Variants in FANCM observed in about 807,000 individuals in gnomAD.
FANCM encodes the protein Fanconi anemia group M protein.
A neutral mutation model predicts 199.5 loss-of-function variants in FANCM; 140 were observed. That is an observed-to-expected ratio of 0.70 (90% CI 0.61 to 0.81). The LOEUF (loss-of-function observed/expected upper bound fraction) is 0.81. Ranked by LOEUF, FANCM falls within the 30% of genes least tolerant of loss-of-function variation. FANCM has a pLI of 0.00. For synonymous variants in FANCM, 840 were observed against 836.8 expected (o/e 1.00, Z -0.07); for missense variants, 2,410 against 2,421.4 (o/e 1.00, Z 0.10).
Position 45,175,691 on chromosome 14 carries a change from T to C in FANCM, c.2937T>C (p.Cys979=), listed in dbSNP as rs1188507113. ...IVRTDDQFYN[C]HSLTKEVLAN... ...GAACAGATGACCAATTTTATAATTG[T>C]CACTCATTGACAAAAGAGGTACTAG... Residue 979 remains cysteine, a synonymous_variant, in exon 14 of 23, where the codon TGT becomes TGC. Coordinates refer to ENST00000267430, the MANE Select transcript of FANCM (RefSeq NM_020937.4). 4 of 1,613,620 alleles carry C rather than the reference T, an allele frequency of 2.5e-6. No homozygotes were observed. Among genetic ancestry groups the C allele is most frequent in the Admixed American group, 1.7e-5 (1 of 59,996 alleles).
chr14:45,153,420 A>G (rs1467035923), intron 5 of FANCM, among the ~76,000 whole-genome samples: 1 of 152,232 alleles, frequency 6.6e-6, no homozygotes, highest in East Asian at 1.9e-4. Context: ...TATACTTGGT[A>G]TTAAAGGTTG....
chr14:45,156,989 G>A (rs902563854), intron 8 of FANCM, among the ~76,000 whole-genome samples: 2 of 150,646 alleles, frequency 1.3e-5, no homozygotes, highest in Non-Finnish European at 3.0e-5. Flanking sequence ...GTACATGTTT[G>A]CAAATGATTA....
chr14:45,184,614 T>C (rs1439297877), intron 17 of FANCM, among the ~76,000 whole-genome samples: 1 of 149,494 alleles, frequency 6.7e-6, no homozygotes, highest in Admixed American at 6.7e-5. Flanking sequence ...TGAGCCAAGA[T>C]TGCGCCACTG....
chr14:45,184,638 G>A (rs1309617878), intron 17 of FANCM, among the ~76,000 whole-genome samples: 14 of 141,426 alleles, frequency 9.9e-5, no homozygotes, highest in Non-Finnish European at 1.4e-4. Flanking sequence ...TCCCGCCTGG[G>A]CAACAAAGTG....
Position 45,198,914 on chromosome 14 carries a change from C to T in FANCM, c.5987C>T (p.Ser1996Phe). Residue 1996 changes from serine to phenylalanine, a missense_variant, in exon 22 of 23, where the codon TCT (serine) becomes TTT (phenylalanine). Ser to Phe is a radical substitution (Grantham distance 155, BLOSUM62 -2). Coordinates refer to ENST00000267430, the MANE Select transcript of FANCM (RefSeq NM_020937.4). ...TALNMCHQFS[S>F]VKRMANSSLQ... ...TTAAATATGTGTCACCAGTTTTCAT[C>T]TGTGAAAAGGATGGCTAACAGGTAT... 1 of 1,608,556 alleles carries T rather than the reference C, an allele frequency of 6.2e-7. No individual in the cohort carries two copies. The highest frequency in any genetic ancestry group is 8.5e-7 in the Non-Finnish European group (1 of 1,175,392).
chr14:45,170,692 G>A lies in FANCM; in HGVS notation c.2106G>A (p.Glu702=), dbSNP rs1261434579. 6.2e-7 allele frequency: 1 copy of A among 1,610,484 alleles called. No individual in the cohort carries two copies. Among genetic ancestry groups the A allele is most frequent in the Admixed American group, 1.7e-5 (1 of 60,010 alleles). The change falls in exon 12 of 23, where the codon GAG becomes GAA. Residue 702 remains glutamate (E), a synonymous_variant. Transcript: ENST00000267430. ...TAAGGGACAGTGATGAAATTAAAGAGATAACATTGCCTCAAGTTCAGTTTT... is the reference window on the plus strand; with the variant it reads ...TAAGGGACAGTGATGAAATTAAAGAAATAACATTGCCTCAAGTTCAGTTTT... ...YRLRDSDEIK[E]ITLPQVQFSS...
chr14:45,160,531 G>T (rs1238344289), intron 9 of FANCM, among the ~76,000 whole-genome samples: 5 of 149,206 alleles, frequency 3.4e-5, no homozygotes, highest in Admixed American at 3.3e-4. Context: ...TCACCATGTT[G>T]GTCAGGTATT....
At position 45,179,195 on chromosome 14, in the gene FANCM, T is replaced by C. The variant is rs1888904173; in HGVS notation, c.4222+2219T>C. ...GCCTGGGCAACAAAGTGAGGCTCTG[T>C]CTAAAAATAAATAAATAAATAAAAA... On this transcript the variant is annotated intron_variant, in intron 14 of 22. Coordinates refer to ENST00000267430, the MANE Select transcript of FANCM (RefSeq NM_020937.4). 2.0e-5 allele frequency among the ~76,000 whole-genome samples: 3 copies of C among 152,218 alleles called. No homozygotes were observed. The South Asian group carries it at 6.2e-4, about 32-fold the overall frequency.
chr14:45,155,628 G>A (rs771193247), intron 8 of FANCM, among the ~76,000 whole-genome samples, 169 bp downstream of exon 8: 2 of 152,074 alleles, frequency 1.3e-5, no homozygotes, highest in Non-Finnish European at 2.9e-5. Context: ...GTAAAACCCC[G>A]TCTCTACTAA....
rs577915293 is a variant in FANCM, at chr14:45,174,057, C to G, written c.2316+847C>G. ...GTATATATACTAGCAGGGAGACAGA[C>G]ATTTGCTCACATTAATGCTTATTAT... On this transcript the variant is annotated intron_variant, in intron 13 of 22. Transcript: ENST00000267430. Among the ~76,000 whole-genome samples, 40 of 152,158 alleles carry G rather than the reference C, an allele frequency of 2.6e-4. No homozygotes were observed. The South Asian group carries it at 6.8e-3, about 26-fold the overall frequency.
intron 20 of FANCM, among the ~76,000 whole-genome samples, chr14:45,189,579 G>C (rs1207674550): frequency 6.6e-6 from 1 of 152,146 alleles, no homozygotes; most frequent in Non-Finnish European, 1.5e-5. Context: ...TTAATGTTTT[G>C]TTAACACTAT....
At position 45,175,395 on chromosome 14, in the gene FANCM, G is replaced by A. The variant is rs752252684; in HGVS notation, c.2641G>A (p.Asp881Asn). 4.5e-6 allele frequency: 7 copies of A among 1,562,296 alleles called. No homozygotes were observed. Among genetic ancestry groups the A allele is most frequent in the Non-Finnish European group, 6.1e-6 (7 of 1,148,828 alleles). Residue 881 changes from aspartate (D) to asparagine (N), a missense_variant, in exon 14 of 23, where the codon GAC (aspartate) becomes AAC (asparagine). Asp to Asn is a conservative substitution (Grantham distance 23). Transcript: ENST00000267430. The part of the protein sequence containing the change: ...NHGIIDSVDN[D>N]RNSTVENIFQ... ...CGGTATTATAGATTCTGTAGATAAT[G>A]ACAGAAATTCCACTGTTGAAAATAT...
rs1889561623 is a variant in FANCM at position 45,188,669 on chromosome 14, G to A, written c.4780-133G>A. 4.4e-6 allele frequency: 3 copies of A among 688,308 alleles called. No homozygotes were observed. The South Asian group carries it at 5.6e-5, about 13-fold the overall frequency. 42.6% of individuals were successfully genotyped at this position (688,308 alleles called of 1,614,324 possible). A position where few individuals can be genotyped will look rare whatever the true frequency, so the allele number is the denominator to read the frequency against. On this transcript the variant is annotated intron_variant, in intron 19 of 22. Coordinates refer to ENST00000267430, the MANE Select transcript of FANCM (RefSeq NM_020937.4). ...TAAAGAATGTACTTAGTTTATGTTA[G>A]TTGAGTAAGTGGCTGAATTAATAAA...
chr14:45,156,811 G>A (rs985601843), intron 8 of FANCM, among the ~76,000 whole-genome samples: 2 of 151,570 alleles, frequency 1.3e-5, no homozygotes, highest in African/African-American at 2.4e-5. Flanking sequence ...TCAGCTACTC[G>A]GGAGGCTGAG....
At chr14:45,151,264 G>T (rs1594769482) in intron 4 of FANCM, 133 bp from the exon 5 acceptor site, 1 of 709,450 alleles carries the variant, frequency 1.4e-6, no homozygotes. Flanking sequence ...TATCATTGCT[G>T]AGTTTACTTA....
rs893058010 is a variant in FANCM at position 45,194,812 on chromosome 14, C to CT, written c.5341-1343dup. On this transcript the variant is annotated intron_variant, in intron 20 of 22. Coordinates refer to ENST00000267430, the MANE Select transcript of FANCM (RefSeq NM_020937.4). ...TTGCTAACTTCTCTATAGGTTGTGC[C>CT]TTTTTTTTTTTTTTTTTGAGGCAGA... is the stretch of plus-strand genomic sequence containing the variant. 9.9e-3 allele frequency among the ~76,000 whole-genome samples: 1,341 copies of CT among 135,626 alleles called. 15 individuals are homozygous for CT. Among genetic ancestry groups the CT allele is most frequent in the Admixed American group, 0.026 (352 of 13,520 alleles). 89.0% of individuals were successfully genotyped at this position (135,626 alleles called of 152,430 possible).
rs1429955609 is a variant in FANCM, at chr14:45,176,520, C to T, written c.3766C>T (p.Leu1256=). ...LEHTSDSNRP[L]DDLYGRYLEI... ...ACATACATCAGATAGCAATAGACCT[C>T]TAGATGATCTATATGGAAGGTATTT... The change falls in exon 14 of 23, where the codon CTA becomes TTA. Residue 1256 remains leucine (L), a synonymous_variant. Transcript: ENST00000267430. The T allele has an allele frequency of 6.2e-7, 1 of 1,601,876 alleles. No homozygotes were observed. The highest frequency in any genetic ancestry group is 2.2e-5 in the East Asian group (1 of 44,720).
chr14:45,168,134 G>A (rs1208363478), intron 11 of FANCM, among the ~76,000 whole-genome samples: 3 of 152,046 alleles, frequency 2.0e-5, no homozygotes, highest in African/African-American at 4.8e-5. Context: ...TTGTTCCACT[G>A]TTGTCATACC....
intron 2 of FANCM, among the ~76,000 whole-genome samples, chr14:45,138,429 C>T (rs1251245529): frequency 6.6e-6 from 1 of 151,940 alleles, no homozygotes; most frequent in Admixed American, 6.6e-5. Flanking sequence ...ATTGATCTTC[C>T]TAATTATATT....
Sources: allele counts gnomAD v4.1 joint callset (sites outside exome capture counted in the v4.1 genomes callset), GRCh38; gene constraint gnomAD v4.1.1; transcripts MANE v1.5; gene names NCBI Gene and HGNC (gene_info 2026-07-23, HGNC 2026-07-21).